ZNF521: variants seen among roughly 807,000 people sequenced by gnomAD.
The protein encoded by ZNF521 is zinc finger protein 521, also known as LYST-interacting protein 3.
A neutral mutation model predicts 105.5 loss-of-function variants in ZNF521; 14 were observed. The observed-to-expected ratio is 0.13, with a 90% CI of 0.09 to 0.21. The LOEUF is 0.21. Among genes scored for constraint, ZNF521 ranks in the 10% least tolerant of loss-of-function variants. ZNF521 has a pLI of 1.00. For missense variants in ZNF521, 1,233 were observed against 1,629.7 expected (o/e 0.76, Z 4.19); for synonymous variants, 635 against 606.0 (o/e 1.05, Z -0.70).
At chr18:25,203,131 T>A (rs2036020520) in intron 4 of ZNF521, among the ~76,000 whole-genome samples, 1 of 152,106 alleles carries the variant, frequency 6.6e-6, no homozygotes, top group African/African-American at 2.4e-5. Flanking sequence ...CATTAAAGTG[T>A]TTTAAGTATT....
chr18:25,142,694 C>T (rs1325244238), intron 5 of ZNF521, among the ~76,000 whole-genome samples: 1 of 151,968 alleles, frequency 6.6e-6, no homozygotes, highest in African/African-American at 2.4e-5. Context: ...CACATTTTAA[C>T]CAATATGTTG....
chr18:25,303,987 T>A (rs888695602), intron 3 of ZNF521, among the ~76,000 whole-genome samples: 2 of 152,208 alleles, frequency 1.3e-5, no homozygotes, highest in African/African-American at 4.8e-5. Flanking sequence ...GACAGAGGAT[T>A]AACTAATTAA....
chr18:25,074,055 T>G (rs1245109945), intron 7 of ZNF521, among the ~76,000 whole-genome samples: 3 of 106,032 alleles, frequency 2.8e-5, no homozygotes, highest in East Asian at 2.8e-4. Context: ...TCTGTGCACA[T>G]GTGTGCGCAC....
At chr18:25,330,341 T>A (rs1286652012) in intron 2 of ZNF521, among the ~76,000 whole-genome samples, 1 of 152,026 alleles carries the variant, frequency 6.6e-6, no homozygotes, top group Non-Finnish European at 1.5e-5. Context: ...TTTTTATATT[T>A]TTTTAGTAGA....
chr18:25,193,913 AC>A (rs1333433018), intron 5 of ZNF521, among the ~76,000 whole-genome samples: 1 of 151,848 alleles, frequency 6.6e-6, no homozygotes, highest in East Asian at 1.9e-4. Context: ...ATAAGCAACA[AC>A]CCCCCAGAAG....
At chr18:25,295,419 T>TATA (rs1911271127) in intron 3 of ZNF521, among the ~76,000 whole-genome samples, 1 of 152,154 alleles carries the variant, frequency 6.6e-6, no homozygotes, top group Admixed American at 6.6e-5. Context: ...ACAGGATGAC[T>TATA]ATAGTCAAAA....
chr18:25,294,410 T>C (rs770636487), intron 3 of ZNF521, among the ~76,000 whole-genome samples: 7 of 152,206 alleles, frequency 4.6e-5, no homozygotes, highest in Non-Finnish European at 1.5e-5. Flanking sequence ...GGATGTCTTC[T>C]TCTGACTCTG....
intron 2 of ZNF521, among the ~76,000 whole-genome samples, chr18:25,336,709 C>A (rs1323605390): frequency 6.6e-6 from 1 of 152,140 alleles, no homozygotes; most frequent in Non-Finnish European, 1.5e-5. Context: ...TCCCTCTAGC[C>A]CCCACAAAAC....
At chr18:25,275,397 T>C (rs780625355) in intron 3 of ZNF521, among the ~76,000 whole-genome samples, 15 of 152,292 alleles carry the variant, frequency 9.8e-5, no homozygotes, top group Non-Finnish European at 2.1e-4. Flanking sequence ...GTAGTTAAGA[T>C]GAATGCAAAC....
chr18:25,326,156 T>G (rs1169306834), intron 2 of ZNF521, among the ~76,000 whole-genome samples: 1 of 152,180 alleles, frequency 6.6e-6, no homozygotes, highest in African/African-American at 2.4e-5. Context: ...GTAAAAGTAA[T>G]GAATATCTAA....
At chr18:25,313,340 A>C (rs1335900552) in intron 3 of ZNF521, among the ~76,000 whole-genome samples, 1 of 152,182 alleles carries the variant, frequency 6.6e-6, no homozygotes, top group Non-Finnish European at 1.5e-5. Context: ...TTCTGCAAAA[A>C]AAAAAACTGC....
chr18:25,299,592 C>T (rs1205079816), intron 3 of ZNF521, among the ~76,000 whole-genome samples: 1 of 152,104 alleles, frequency 6.6e-6, no homozygotes, highest in East Asian at 1.9e-4. Context: ...AAAGTGATTG[C>T]CCAATACTGG....
chr18:25,097,762 C>T (rs917426936), intron 5 of ZNF521, among the ~76,000 whole-genome samples: 2 of 152,160 alleles, frequency 1.3e-5, no homozygotes, highest in African/African-American at 4.8e-5. Context: ...AATCTCACTT[C>T]CAGGAGATCT....
rs983176016 is a variant in ZNF521 at position 25,342,148 on chromosome 18, T to A, written c.40+8759A>T. On this transcript the variant is annotated intron_variant, in intron 2 of 7. Coordinates refer to ENST00000361524, the MANE Select transcript of ZNF521 (RefSeq NM_015461.3). ...AAGTCACAATACTTATGACCATAAC[T>A]GTTTGTTTTTATTTTCAACTCTTTC... Among the ~76,000 whole-genome samples the A allele has an allele frequency of 1.3e-5, 2 of 152,158 alleles. 1 individual carries two copies. The highest frequency in any genetic ancestry group is 2.9e-5 in the Non-Finnish European group (2 of 68,038).
chr18:25,293,308 T>C (rs946321689), intron 3 of ZNF521, among the ~76,000 whole-genome samples: 5 of 151,472 alleles, frequency 3.3e-5, no homozygotes, highest in African/African-American at 7.3e-5. Flanking sequence ...CCACAAAGGG[T>C]TGTTGCTGCA....
chr18:25,189,181 T>G (rs917413344), intron 5 of ZNF521, among the ~76,000 whole-genome samples: 6 of 152,186 alleles, frequency 3.9e-5, no homozygotes, highest in African/African-American at 1.4e-4. Flanking sequence ...TCTTTGAGTT[T>G]CTTTTAAATT....
intron 3 of ZNF521, among the ~76,000 whole-genome samples, chr18:25,301,438 T>C (rs537323306): frequency 3.5e-4 from 53 of 152,234 alleles, no homozygotes; most frequent in African/African-American, 1.2e-3. Flanking sequence ...TCACAAAAAC[T>C]AAAGTTTTTT....
At chr18:25,176,731 T>C (rs1203805999) in intron 5 of ZNF521, among the ~76,000 whole-genome samples, 4 of 152,222 alleles carry the variant, frequency 2.6e-5, no homozygotes, top group African/African-American at 9.6e-5. Flanking sequence ...CGCAGCGTAG[T>C]GCAACAGATT....
intron 3 of ZNF521, among the ~76,000 whole-genome samples, chr18:25,243,401 C>T (rs1821986057): frequency 6.6e-6 from 1 of 152,182 alleles, no homozygotes; most frequent in African/African-American, 2.4e-5. Flanking sequence ...CTCTTCCCAG[C>T]CACTGACACT....
Sources: allele counts gnomAD v4.1 joint callset (sites outside exome capture counted in the v4.1 genomes callset), GRCh38; gene constraint gnomAD v4.1.1; transcripts MANE v1.5; gene names NCBI Gene and HGNC (gene_info 2026-07-23, HGNC 2026-07-21).